The following SEC61A1 variants were observed in gnomAD, a reference collection of about 807,000 sequenced individuals.
The protein encoded by SEC61A1 is SEC61 translocon subunit alpha 1.
In SEC61A1, 15 loss-of-function variants were observed where a neutral mutation model predicts 55.2. The ratio of observed to expected loss-of-function variants is 0.27; its 90% CI spans 0.18 to 0.42. The LOEUF (loss-of-function observed/expected upper bound fraction) is 0.42, where lower values mean the gene tolerates loss of function less well. SEC61A1 is among the 10% of genes least tolerant of loss of function. The pLI is 1.00. For synonymous variants in SEC61A1, 247 were observed against 234.0 expected, an observed-to-expected ratio of 1.06 and a Z score of -0.51; for missense variants, 284 against 602.6, an observed-to-expected ratio of 0.47 and a Z score of 5.53.
At chr3:128,060,253 A>T (rs866034713) in intron 6 of SEC61A1, 42 bp downstream of exon 6, 5 of 1,367,108 alleles carry the variant, frequency 3.7e-6, no homozygotes, top group African/African-American at 1.4e-5. Flanking sequence ...AGCCCCTCAC[A>T]CTTACCTACA....
intron 11 of SEC61A1, chr3:128,068,529 GATGTGC>G (rs1363675790): frequency 6.1e-6 from 1 of 162,966 alleles, no homozygotes; most frequent in African/African-American, 2.4e-5. Context: ...GGAAGGGGTT[GATGTGC>G]ATCTGAAGCA....
intron 2 of SEC61A1, among the ~76,000 whole-genome samples, chr3:128,054,190 A>G (rs1941735754): frequency 6.6e-6 from 1 of 152,216 alleles, no homozygotes; most frequent in South Asian, 2.1e-4. Context: ...CTGAGCAAGA[A>G]TGGATTTAGG....
In SEC61A1 at chr3:128,056,722, G is replaced by A. The variant is rs919315066; in HGVS notation, c.234G>A (p.Glu78=). ...ILASNRGTLM[E]LGISPIVTSG... is the part of the protein sequence containing the mutation. ...CGTTTCCTCAAGGCACATTGATGGA[G>A]CTAGGGATCTCTCCTATTGTCACGT... is the stretch of plus-strand genomic sequence containing the variant. Residue 78 remains glutamate, a synonymous_variant, in exon 5 of 12, where the codon GAG becomes GAA. Transcript: ENST00000243253. 2 of 1,590,924 alleles carry A rather than the reference G, an allele frequency of 1.3e-6. No homozygotes were observed. The highest frequency in any genetic ancestry group is 1.3e-5 in the African/African-American group (1 of 74,196).
chr3:128,055,444 G>T, intron 2 of SEC61A1, 72 bp from the exon 3 acceptor site: 1 of 1,204,366 alleles, frequency 8.3e-7, no homozygotes. Context: ...AAAGGGGTCT[G>T]ATTGGAGTCC....
At chr3:128,063,631 G>A (rs765851240) in intron 7 of SEC61A1, among the ~76,000 whole-genome samples, 16 of 152,138 alleles carry the variant, frequency 1.1e-4, no homozygotes, top group Admixed American at 2.0e-4. Flanking sequence ...CACCACGCCC[G>A]ACTCCTATTT....
intron 7 of SEC61A1, among the ~76,000 whole-genome samples, chr3:128,063,430 CG>C (rs755304499): frequency 1.3e-5 from 2 of 152,330 alleles, no homozygotes; most frequent in East Asian, 1.9e-4. Flanking sequence ...CTCCGCCTCC[CG>C]GGTTCAAGCA....
At chr3:128,059,400 G>A (rs1187651528) in intron 5 of SEC61A1, among the ~76,000 whole-genome samples, 1 of 151,834 alleles carries the variant, frequency 6.6e-6, no homozygotes, top group African/African-American at 2.4e-5. Flanking sequence ...TTGAACCTGG[G>A]AGGTGGAGGT....
rs144375630 is a variant in SEC61A1, at chr3:128,068,239, A to G, written c.1244+180A>G. On this transcript the variant is annotated intron_variant, in intron 11 of 11. Transcript: ENST00000243253. ...GCTAAGTGCTGGACACTGGAGACGTAAAAATAAACACTTACAGCCCCTTTC... is the reference window on the plus strand; with the variant it reads ...GCTAAGTGCTGGACACTGGAGACGTGAAAATAAACACTTACAGCCCCTTTC... Among the ~76,000 whole-genome samples the G allele has an allele frequency of 4.6e-5, 7 of 152,372 alleles. No homozygotes were observed. The East Asian group carries it at 1.3e-3, about 29-fold the overall frequency.
In SEC61A1 at chr3:128,052,905, A is replaced by G. The variant is rs1024958907; in HGVS notation, c.75+3A>G. 1.2e-6 allele frequency: 2 copies of G among 1,609,836 alleles called. No individual in the cohort carries two copies. The highest frequency in any genetic ancestry group is 1.7e-6 in the Non-Finnish European group (2 of 1,177,414). ...AAATTCAGAAGCCAGAGAGGAAGGT[A>G]AGTACCCCAAATCGCCAACAAAGAA... is the stretch of plus-strand genomic sequence containing the variant. On this transcript the variant is annotated splice_donor_region_variant and intron_variant, in intron 2 of 11. Transcript: ENST00000243253.
At chr3:128,056,131 A>G (rs1035944675) in intron 4 of SEC61A1, among the ~76,000 whole-genome samples, 17 of 152,364 alleles carry the variant, frequency 1.1e-4, no homozygotes, top group Middle Eastern at 3.4e-3. Flanking sequence ...TAGGTTACAT[A>G]TAGTGTCAAA....
At chr3:128,052,730 C>A in intron 1 of SEC61A1, 105 bp from the exon 2 acceptor site, 1 of 1,492,242 alleles carries the variant, frequency 6.7e-7, no homozygotes, top group Non-Finnish European at 9.2e-7. Context: ...GGCCGGCTCC[C>A]CTGGCCCCTG....
Position 128,065,425 on chromosome 3 carries a change from A to G in SEC61A1, c.777+388A>G, listed in dbSNP as rs377323094. On this transcript the variant is annotated intron_variant, in intron 8 of 11. Transcript: ENST00000243253. ...AACTTCTGCATCTCGGAAACGGCCT[A>G]TCTTCTTAAGCTGTCTTACCTTTAA... Among the ~76,000 whole-genome samples, 237 of 152,324 alleles carry G rather than the reference A, an allele frequency of 1.6e-3. 1 individual carries two copies. Among genetic ancestry groups the G allele is most frequent in the African/African-American group, 5.5e-3 (230 of 41,578 alleles).
intron 4 of SEC61A1, 42 bp downstream of exon 4, chr3:128,055,793 T>C (rs771395374): frequency 1.4e-6 from 2 of 1,479,374 alleles, no homozygotes; most frequent in Non-Finnish European, 1.9e-6. Context: ...AGTGTAGGCT[T>C]ACCTAGCTTC....
In SEC61A1 at chr3:128,060,588, C is replaced by T. The variant is rs752828595; in HGVS notation, c.543C>T (p.Leu181=). The part of the protein sequence containing the change: ...KGYGLGSGIS[L]FIATNICETI... ...ATGGCCTTGGCTCTGGTATTTCTCT[C>T]TTCATTGCAACTAACATCTGTGAAA... Residue 181 remains leucine, a synonymous_variant, in exon 7 of 12, where the codon CTC becomes CTT. Coordinates refer to ENST00000243253, the MANE Select transcript of SEC61A1 (RefSeq NM_013336.4). 1.2e-6 allele frequency: 2 copies of T among 1,614,162 alleles called. No individual in the cohort carries two copies. The highest frequency in any genetic ancestry group is 1.1e-5 in the South Asian group (1 of 91,080).
chr3:128,064,405 G>A (rs188861881), intron 7 of SEC61A1, among the ~76,000 whole-genome samples: 487 of 152,226 alleles, frequency 3.2e-3, no homozygotes, highest in Non-Finnish European at 4.9e-3. Flanking sequence ...CTTTGGGAGG[G>A]TGAGGCGGGA....
At chr3:128,062,738 T>C (rs764705107) in intron 7 of SEC61A1, among the ~76,000 whole-genome samples, 1 of 152,222 alleles carries the variant, frequency 6.6e-6, no homozygotes, top group South Asian at 2.1e-4. Flanking sequence ...TTGAGTTCTT[T>C]AGTTTCACCT....
intron 8 of SEC61A1, among the ~76,000 whole-genome samples, chr3:128,065,732 A>ATTT (rs758640768): frequency 0.47 from 46,161 of 97,434 alleles, 12,767 homozygotes; most frequent in East Asian, 0.7. Flanking sequence ...ATCATTAAGA[A>ATTT]TTTTTTTTTT....
At chr3:128,068,152 G>A (rs1942040971) in intron 11 of SEC61A1, 93 bp downstream of exon 11, 2 of 887,466 alleles carry the variant, frequency 2.3e-6, no homozygotes, top group South Asian at 2.7e-5. Flanking sequence ...AGCACTTACT[G>A]GGTCACTAAA....
rs753575555 is a variant in SEC61A1, at chr3:128,069,714, G to A, written c.*52G>A. Reference sequence around the variant, plus strand: ...GCTGCTCCAGAAGCGCCTCGGAAGGGGAGCTCTCATCATGGCGCGTGCTGC... The same window carrying A: ...GCTGCTCCAGAAGCGCCTCGGAAGGAGAGCTCTCATCATGGCGCGTGCTGC... On this transcript the variant is annotated 3_prime_UTR_variant, in exon 12 of 12. Coordinates refer to ENST00000243253, the MANE Select transcript of SEC61A1 (RefSeq NM_013336.4). 5.2e-6 allele frequency: 8 copies of A among 1,533,446 alleles called. No homozygotes were observed. The highest frequency in any genetic ancestry group is 1.4e-5 in the African/African-American group (1 of 72,946). 95.0% of individuals were successfully genotyped at this position (1,533,446 alleles called of 1,614,324 possible). A position where few individuals can be genotyped will look rare whatever the true frequency, so the allele number is the denominator to read the frequency against.
Sources: allele counts gnomAD v4.1 joint callset (sites outside exome capture counted in the v4.1 genomes callset), GRCh38; gene constraint gnomAD v4.1.1; transcripts MANE v1.5; gene names NCBI Gene and HGNC (gene_info 2026-07-23, HGNC 2026-07-21).